Variants in SDC2 observed in about 807,000 individuals in gnomAD.
SDC2 encodes the protein syndecan-2.
SDC2 carries 13 observed loss-of-function variants against 22.2 expected under a neutral mutation model. The ratio of observed to expected loss-of-function variants is 0.59; its 90% CI spans 0.38 to 0.93. SDC2 has a LOEUF of 0.93. Ranked by LOEUF, SDC2 falls within the 40% of genes least tolerant of loss-of-function variation. The probability of loss-of-function intolerance (pLI) is 0.00; values close to 1 mark genes in which losing one functional copy is unlikely to be tolerated. For missense variants in SDC2, 235 were observed against 246.8 expected (o/e 0.95, Z 0.32); for synonymous variants, 94 against 92.8 (o/e 1.01, Z -0.07).
At chr8:96,511,237 G>T (rs71514922) in intron 1 of SDC2, among the ~76,000 whole-genome samples, 3,583 of 152,278 alleles carry the variant, frequency 0.024, 57 homozygotes, top group Non-Finnish European at 0.038. Flanking sequence ...TGGGGCACGG[G>T]TGTCAGTATT....
At chr8:96,565,241 C>A (rs1182165408) in intron 1 of SDC2, among the ~76,000 whole-genome samples, 1 of 151,110 alleles carries the variant, frequency 6.6e-6, no homozygotes, top group African/African-American at 2.4e-5. Flanking sequence ...TGCGCCACCA[C>A]ACCCAGCTAA....
At chr8:96,572,383 T>C (rs937702081) in intron 1 of SDC2, among the ~76,000 whole-genome samples, 1 of 152,184 alleles carries the variant, frequency 6.6e-6, no homozygotes, top group African/African-American at 2.4e-5. Context: ...GCCCACTGCC[T>C]GTGCACTGGT....
intron 1 of SDC2, among the ~76,000 whole-genome samples, chr8:96,495,587 A>G (rs1056855703): frequency 1.3e-5 from 2 of 152,092 alleles, no homozygotes; most frequent in Admixed American, 6.5e-5. Context: ...TAACGTGTCA[A>G]TTTCTAATTA....
At chr8:96,609,338 C>G in intron 4 of SDC2, 47 bp from the exon 5 acceptor site, 2 of 1,492,208 alleles carry the variant, frequency 1.3e-6, no homozygotes, top group South Asian at 2.6e-5. Flanking sequence ...CTAATGTCTG[C>G]AACCCTTGAA....
At chr8:96,607,445 G>T (rs771869962) in intron 3 of SDC2, among the ~76,000 whole-genome samples, 3 of 152,140 alleles carry the variant, frequency 2.0e-5, no homozygotes, top group Admixed American at 1.3e-4. Flanking sequence ...AAAATGTGCC[G>T]TAATAGATAA....
intron 1 of SDC2, among the ~76,000 whole-genome samples, chr8:96,500,063 C>G (rs1813138471): frequency 6.6e-6 from 1 of 152,144 alleles, no homozygotes; most frequent in Non-Finnish European, 1.5e-5. Flanking sequence ...TACACCAGCC[C>G]CCAGTGGACC....
chr8:96,523,263 T>G (rs997992635), intron 1 of SDC2, among the ~76,000 whole-genome samples: 2 of 152,256 alleles, frequency 1.3e-5, no homozygotes, highest in African/African-American at 2.4e-5. Context: ...TGGTGGTGTT[T>G]TGCTGCTTAA....
chr8:96,543,641 C>T (rs930698206), intron 1 of SDC2, among the ~76,000 whole-genome samples: 1 of 152,168 alleles, frequency 6.6e-6, no homozygotes, highest in African/African-American at 2.4e-5. Context: ...TAGGGTTGCT[C>T]CATCAAGCAG....
At chr8:96,540,402 C>G (rs1200305310) in intron 1 of SDC2, among the ~76,000 whole-genome samples, 2 of 147,114 alleles carry the variant, frequency 1.4e-5, no homozygotes, top group Non-Finnish European at 3.0e-5. Context: ...CCCAACTATT[C>G]AGAAGGCTGA....
chr8:96,606,960 G>T (rs1815090914), intron 3 of SDC2, among the ~76,000 whole-genome samples: 1 of 152,192 alleles, frequency 6.6e-6, no homozygotes, highest in Non-Finnish European at 1.5e-5. Flanking sequence ...AGGCTGCACA[G>T]CAGGAAGTGA....
intron 1 of SDC2, among the ~76,000 whole-genome samples, chr8:96,574,650 A>G (rs1477793506): frequency 6.6e-6 from 1 of 152,176 alleles, no homozygotes; most frequent in African/African-American, 2.4e-5. Context: ...TAGGAATTAC[A>G]CCTGTTCACA....
intron 1 of SDC2, among the ~76,000 whole-genome samples, chr8:96,578,605 G>A (rs1311642178): frequency 6.6e-6 from 1 of 152,200 alleles, no homozygotes; most frequent in Non-Finnish European, 1.5e-5. Context: ...AAGCTCAGAG[G>A]TCTGTTTGCT....
intron 1 of SDC2, among the ~76,000 whole-genome samples, chr8:96,515,215 C>T (rs1017663639): frequency 2.6e-5 from 4 of 152,056 alleles, no homozygotes; most frequent in African/African-American, 9.7e-5. Flanking sequence ...TCGCTTTTTC[C>T]CCCTACTTTC....
At chr8:96,503,013 T>A (rs943916711) in intron 1 of SDC2, among the ~76,000 whole-genome samples, 1 of 152,192 alleles carries the variant, frequency 6.6e-6, no homozygotes, top group Admixed American at 6.5e-5. Flanking sequence ...TTTCTTCTTG[T>A]CTTGGGGTAG....
intron 1 of SDC2, 69 bp downstream of exon 1, chr8:96,494,400 G>A: frequency 6.9e-7 from 1 of 1,455,906 alleles, no homozygotes. Context: ...AGCCCGCAGG[G>A]AATAGGGGAG....
intron 1 of SDC2, among the ~76,000 whole-genome samples, chr8:96,556,051 C>T (rs886301658): frequency 2.2e-5 from 3 of 136,940 alleles, no homozygotes; most frequent in East Asian, 2.2e-4. Flanking sequence ...CACACACACA[C>T]ACACATACAC....
At chr8:96,535,031 T>G (rs1813730565) in intron 1 of SDC2, among the ~76,000 whole-genome samples, 1 of 148,664 alleles carries the variant, frequency 6.7e-6, no homozygotes, top group African/African-American at 2.5e-5. Flanking sequence ...CGAGTCAGAG[T>G]CTCCCTCTCT....
intron 2 of SDC2, among the ~76,000 whole-genome samples, chr8:96,599,828 A>T (rs1303493407): frequency 6.6e-6 from 1 of 152,158 alleles, no homozygotes. Flanking sequence ...TAAAGGAGAC[A>T]GTTGATAAAT....
rs1813155693 is a variant in SDC2, at chr8:96,501,139, T to C, written c.60+6808T>C. 2.0e-5 allele frequency among the ~76,000 whole-genome samples: 3 copies of C among 152,060 alleles called. No homozygotes were observed. In the South Asian group the frequency reaches 6.2e-4, roughly 31 times the overall value. Reference sequence around the variant, plus strand: ...CAAAGCATTTTGGTGTTTTTTTTTATGATTACACAGGTATATTAAATACAA... The same window carrying C: ...CAAAGCATTTTGGTGTTTTTTTTTACGATTACACAGGTATATTAAATACAA... On this transcript the variant is annotated intron_variant, in intron 1 of 4. Coordinates refer to ENST00000302190, the MANE Select transcript of SDC2 (RefSeq NM_002998.4).
Sources: allele counts gnomAD v4.1 joint callset (sites outside exome capture counted in the v4.1 genomes callset), GRCh38; gene constraint gnomAD v4.1.1; transcripts MANE v1.5; gene names NCBI Gene and HGNC (gene_info 2026-07-23, HGNC 2026-07-21).